SGCG: variants seen among roughly 807,000 people sequenced by gnomAD.
The protein encoded by SGCG is sarcoglycan gamma.
A neutral mutation model predicts 29.3 loss-of-function variants in SGCG; 26 were observed. The ratio of observed to expected loss-of-function variants is 0.89; its 90% CI spans 0.65 to 1.23. The LOEUF is 1.23. Among genes scored for constraint, SGCG ranks in the 50% most tolerant of loss-of-function variants. SGCG has a pLI of 0.00. For missense variants in SGCG, 353 were observed against 356.0 expected, an observed-to-expected ratio of 0.99 and a Z score of 0.07; for synonymous variants, 145 against 129.7, an observed-to-expected ratio of 1.12 and a Z score of -0.80.
At chr13:23,278,006 G>A (rs1881155570) in intron 4 of SGCG, among the ~76,000 whole-genome samples, 1 of 151,340 alleles carries the variant, frequency 6.6e-6, no homozygotes, top group Admixed American at 6.6e-5. Context: ...CCTAATTTTT[G>A]TATTTTTAGT....
intron 4 of SGCG, among the ~76,000 whole-genome samples, chr13:23,276,433 T>TTTC (rs974306513): frequency 7.7e-6 from 1 of 130,448 alleles, no homozygotes. Flanking sequence ...TTAGTTTTCT[T>TTTC]TTTTTTTTTT....
At chr13:23,223,158 G>A (rs1250199212) in intron 2 of SGCG, among the ~76,000 whole-genome samples, 1 of 151,484 alleles carries the variant, frequency 6.6e-6, no homozygotes, top group Non-Finnish European at 1.5e-5. Flanking sequence ...GGCGCCTGTA[G>A]TTCCAGCTAC....
intron 4 of SGCG, among the ~76,000 whole-genome samples, chr13:23,251,626 A>G (rs943055623): frequency 2.0e-5 from 3 of 152,158 alleles, no homozygotes; most frequent in African/African-American, 4.8e-5. Flanking sequence ...TTTAAAAATT[A>G]GCCAGGTGTG....
chr13:23,310,822 C>CAAGTA (rs1882570170), intron 6 of SGCG, among the ~76,000 whole-genome samples: 1 of 152,136 alleles, frequency 6.6e-6, no homozygotes, highest in Non-Finnish European at 1.5e-5. Flanking sequence ...TCAACCAAGT[C>CAAGTA]TACATCAATA....
intron 2 of SGCG, among the ~76,000 whole-genome samples, chr13:23,214,098 C>A (rs954902902): frequency 4.8e-4 from 73 of 152,276 alleles, no homozygotes; most frequent in African/African-American, 1.7e-3. Flanking sequence ...CAGGAAAGGG[C>A]CTTCAGACCT....
intron 4 of SGCG, among the ~76,000 whole-genome samples, chr13:23,265,403 C>T (rs1414329929): frequency 1.3e-5 from 2 of 151,976 alleles, no homozygotes. Context: ...ATGGTGAAAC[C>T]CTGTTTCTAC....
chr13:23,317,920 T>C (rs1882883285), intron 6 of SGCG, among the ~76,000 whole-genome samples: 1 of 152,120 alleles, frequency 6.6e-6, no homozygotes, highest in African/African-American at 2.4e-5. Context: ...TTGGAGTTAG[T>C]GGGCTGGGGA....
At chr13:23,239,280 T>G (rs1478035412) in intron 3 of SGCG, among the ~76,000 whole-genome samples, 1 of 152,110 alleles carries the variant, frequency 6.6e-6, no homozygotes, top group Non-Finnish European at 1.5e-5. Flanking sequence ...GACATCAGCC[T>G]TCTAGTCAGT....
At chr13:23,181,157 T>A (rs1349406423) in intron 1 of SGCG, 82 bp downstream of exon 1, 1 of 152,208 alleles carries the variant, frequency 6.6e-6, no homozygotes, top group Non-Finnish European at 1.5e-5. Context: ...TTTCTTAATA[T>A]TCTTTCTTCT....
intron 6 of SGCG, among the ~76,000 whole-genome samples, chr13:23,314,297 T>G (rs1882714731): frequency 6.8e-6 from 1 of 146,222 alleles, no homozygotes; most frequent in African/African-American, 2.5e-5. Context: ...ACTTGGAATA[T>G]CTTACATTGA....
Position 23,203,890 on chromosome 13 carries a change from G to T in SGCG, c.195+1G>T. 1 of 1,592,934 alleles carries T rather than the reference G, an allele frequency of 6.3e-7. No homozygotes were observed. Among genetic ancestry groups the T allele is most frequent in the Non-Finnish European group, 8.6e-7 (1 of 1,160,792 alleles). On this transcript the variant is annotated splice_donor_variant, in intron 2 of 7. Transcript: ENST00000218867. LOFTEE classifies it high-confidence loss of function. ...TCTTAAAGTGATGTGGTTTTCTCCA[G>T]TAAGTATCATTATTTTCTGGTAAGC... is the stretch of plus-strand genomic sequence containing the variant.
At chr13:23,192,091 C>T (rs1186795602) in intron 1 of SGCG, among the ~76,000 whole-genome samples, 1 of 150,520 alleles carries the variant, frequency 6.6e-6, no homozygotes, top group Non-Finnish European at 1.5e-5. Context: ...TGCAGAATGA[C>T]GTGAACCCGG....
chr13:23,290,668 G>T (rs146847980), intron 5 of SGCG, among the ~76,000 whole-genome samples: 205 of 152,218 alleles, frequency 1.3e-3, no homozygotes, highest in African/African-American at 4.8e-3. Context: ...GAGAGAAATG[G>T]AATTTTTTTG....
chr13:23,161,617 G>A, the SGCG span, among the ~76,000 whole-genome samples: 9 of 152,180 alleles, frequency 5.9e-5, no homozygotes, highest in Non-Finnish European at 1.2e-4. Flanking sequence ...TATTCCAAAA[G>A]TACACATAAG....
intron 2 of SGCG, among the ~76,000 whole-genome samples, chr13:23,204,308 A>T (rs545983079): frequency 6.6e-6 from 1 of 152,328 alleles, no homozygotes; most frequent in East Asian, 1.9e-4. Context: ...TAATCAAGTT[A>T]CACTTTCATT....
intron 2 of SGCG, among the ~76,000 whole-genome samples, chr13:23,233,927 T>C (rs1879203759): frequency 6.6e-6 from 1 of 152,160 alleles, no homozygotes; most frequent in Non-Finnish European, 1.5e-5. Flanking sequence ...GGACAGTGTT[T>C]CAAGGAGGAA....
At chr13:23,251,579 T>C (rs1879970218) in intron 4 of SGCG, among the ~76,000 whole-genome samples, 1 of 152,018 alleles carries the variant, frequency 6.6e-6, no homozygotes, top group African/African-American at 2.4e-5. Context: ...ATCTAGGTGA[T>C]CAAGATCAGC....
intron 4 of SGCG, among the ~76,000 whole-genome samples, chr13:23,257,541 A>G (rs950622458): frequency 2.6e-5 from 4 of 152,048 alleles, no homozygotes; most frequent in African/African-American, 9.7e-5. Context: ...GCAGAAGCTC[A>G]TTAGTTTAAT....
chr13:23,206,303 A>C (rs1005627699), intron 2 of SGCG, among the ~76,000 whole-genome samples: 1 of 152,188 alleles, frequency 6.6e-6, no homozygotes, highest in Non-Finnish European at 1.5e-5. Context: ...TGTGAAGTCC[A>C]TTGTTTAATA....
Sources: gnomAD v4.1 joint callset for allele counts (sites outside exome capture counted in the v4.1 genomes callset) on GRCh38, gnomAD v4.1.1 for gene constraint, MANE v1.5 for transcripts, NCBI Gene and HGNC (gene_info 2026-07-23, HGNC 2026-07-21) for gene names.